PAPOLA: variants seen among roughly 807,000 people sequenced by gnomAD.
PAPOLA encodes the protein poly(A) polymerase alpha, also known as polynucleotide adenylyltransferase alpha.
PAPOLA carries 15 observed loss-of-function variants against 100.6 expected under a neutral mutation model. The observed-to-expected ratio is 0.15, with a 90% CI of 0.10 to 0.23. The LOEUF (loss-of-function observed/expected upper bound fraction) is 0.23. Among genes scored for constraint, PAPOLA ranks in the 10% least tolerant of loss-of-function variants. The pLI, the probability that PAPOLA is intolerant of heterozygous loss-of-function variation, is 1.00. For synonymous variants in PAPOLA, 293 were observed against 300.0 expected, an observed-to-expected ratio of 0.98 and a Z score of 0.24; for missense variants, 533 against 884.2, an observed-to-expected ratio of 0.60 and a Z score of 5.04.
intron 19 of PAPOLA, among the ~76,000 whole-genome samples, chr14:96,558,604 A>G (rs1901554931): frequency 6.6e-6 from 1 of 152,196 alleles, no homozygotes; most frequent in Admixed American, 6.5e-5. Context: ...AAATACATAT[A>G]AAAGAGTCAT....
chr14:96,526,006 C>A (rs945200180), intron 4 of PAPOLA: 4 of 152,056 alleles, frequency 2.6e-5, no homozygotes, highest in African/African-American at 9.7e-5. Context: ...GGATGCCCCC[C>A]GCTAATACCT....
chr14:96,560,758 A>G, intron 20 of PAPOLA, 47 bp downstream of exon 20: 1 of 1,132,332 alleles, frequency 8.8e-7, no homozygotes, highest in South Asian at 1.3e-5. Context: ...AAGAGTACAG[A>G]AGATGTAATA....
intron 7 of PAPOLA, 47 bp from the exon 8 acceptor site, chr14:96,532,284 T>TTGTGTGTG (rs10533972): frequency 1.4e-6 from 2 of 1,431,994 alleles, no homozygotes; most frequent in Admixed American, 2.5e-5. Context: ...TTGTTTTGTT[T>TTGTGTGTG]TGTGTGTGTG....
intron 16 of PAPOLA, among the ~76,000 whole-genome samples, chr14:96,550,392 ATT>A (rs1195639702): frequency 6.6e-6 from 1 of 152,184 alleles, no homozygotes; most frequent in Non-Finnish European, 1.5e-5. Flanking sequence ...TCTTGTGTAC[ATT>A]TTAAGTAAAT....
chr14:96,522,108 CTTTCTTTCTTTTT>C (rs1176083146), intron 3 of PAPOLA, among the ~76,000 whole-genome samples: 65 of 98,316 alleles, frequency 6.6e-4, no homozygotes, highest in African/African-American at 2.7e-3. Flanking sequence ...TAGCCTCTTT[CTTTCTTTCTTTTT>C]TTTTTTTTTT....
intron 1 of PAPOLA, among the ~76,000 whole-genome samples, chr14:96,517,556 A>G (rs997148772): frequency 3.3e-5 from 5 of 152,180 alleles, no homozygotes; most frequent in African/African-American, 1.2e-4. Flanking sequence ...GTGATATCTC[A>G]ATAAAACTGG....
chr14:96,560,593 G>T, intron 19 of PAPOLA, 56 bp from the exon 20 acceptor site: 2 of 1,152,556 alleles, frequency 1.7e-6, no homozygotes, highest in South Asian at 2.6e-5. Context: ...AGCATTGATT[G>T]GCAAATAATC....
At chr14:96,513,631 G>T (rs897398399) in intron 1 of PAPOLA, among the ~76,000 whole-genome samples, 2 of 151,988 alleles carry the variant, frequency 1.3e-5, no homozygotes, top group Non-Finnish European at 2.9e-5. Context: ...TTTACACCAT[G>T]GCCAACATTG....
intron 1 of PAPOLA, among the ~76,000 whole-genome samples, chr14:96,509,792 T>C (rs1896981802): frequency 6.6e-6 from 1 of 152,230 alleles, no homozygotes. Context: ...GGTATTATGC[T>C]GTTATGGGAC....
At chr14:96,533,546 C>CTTTTTTTTTTTTTTTT (rs1172413058) in intron 9 of PAPOLA, 5 of 574,906 alleles carry the variant, frequency 8.7e-6, no homozygotes, top group Non-Finnish European at 8.3e-6. Context: ...GTCAGAATTT[C>CTTTTTTTTTTTTTTTT]TTTTTTTTTT....
At chr14:96,526,326 C>T (rs1488389875) in intron 4 of PAPOLA, 1 of 152,156 alleles carries the variant, frequency 6.6e-6, no homozygotes, top group Non-Finnish European at 1.5e-5. Context: ...AGAGTAGGTA[C>T]AACTCAGGCA....
intron 7 of PAPOLA, 31 bp from the exon 8 acceptor site, chr14:96,532,300 G>GTGTT: frequency 6.3e-7 from 1 of 1,586,956 alleles, no homozygotes; most frequent in Non-Finnish European, 8.5e-7. Context: ...GTGTGTGTGT[G>GTGTT]TGTGTGTTTT....
chr14:96,519,351 A>G (rs1316009119), intron 1 of PAPOLA, among the ~76,000 whole-genome samples: 1 of 152,148 alleles, frequency 6.6e-6, no homozygotes, highest in Non-Finnish European at 1.5e-5. Flanking sequence ...TATTATGTTG[A>G]CTTCTTAATT....
intron 1 of PAPOLA, among the ~76,000 whole-genome samples, chr14:96,512,354 C>G (rs1309300620): frequency 1.3e-5 from 2 of 151,908 alleles, no homozygotes; most frequent in African/African-American, 4.8e-5. Context: ...GCCTGGGCAA[C>G]AGAGCAAGAC....
rs757113205 is a variant in PAPOLA, at chr14:96,534,575, A to AT, written c.909+18dup. 4 of 1,613,800 alleles carry AT rather than the reference A, an allele frequency of 2.5e-6. No individual in the cohort carries two copies. Among genetic ancestry groups the AT allele is most frequent in the South Asian group, 2.2e-5 (2 of 91,058 alleles). ...TATGGGACCCAAGGGTTAGTGTATT[A>AT]TTTTTTCCCCTACCAATTCACACTG... is the stretch of plus-strand genomic sequence containing the variant. On this transcript the variant is annotated intron_variant, in intron 10 of 21. Coordinates refer to ENST00000216277, the MANE Select transcript of PAPOLA (RefSeq NM_032632.5).
intron 19 of PAPOLA, 104 bp from the exon 20 acceptor site, chr14:96,560,545 G>A (rs1275262431): frequency 6.8e-6 from 5 of 736,024 alleles, no homozygotes; most frequent in Admixed American, 5.0e-5. Context: ...TGATCTTACA[G>A]GTTTAATTAT....
At chr14:96,504,752 AG>A (rs1896595597) in intron 1 of PAPOLA, 1 of 152,202 alleles carries the variant, frequency 6.6e-6, no homozygotes, top group South Asian at 2.1e-4. Flanking sequence ...AAGAATGCCT[AG>A]TTAAAGAAAA....
At chr14:96,525,580 G>A (rs973505199) in intron 4 of PAPOLA, among the ~76,000 whole-genome samples, 189 bp downstream of exon 4, 1 of 152,070 alleles carries the variant, frequency 6.6e-6, no homozygotes, top group Admixed American at 6.6e-5. Flanking sequence ...CTGTCCAAAA[G>A]TATTATTAAG....
Position 96,565,205 on chromosome 14 carries a change from G to A in PAPOLA, c.*155G>A, listed in dbSNP as rs1196536243. 3 of 567,470 alleles carry A rather than the reference G, an allele frequency of 5.3e-6. No homozygotes were observed. The highest frequency in any genetic ancestry group is 5.6e-5 in the East Asian group (2 of 35,724). The allele number at this position is 567,470 out of a possible 1,614,324, so 35.2% of individuals were successfully genotyped here. On this transcript the variant is annotated 3_prime_UTR_variant, in exon 22 of 22. Transcript: ENST00000216277. ...TTACTGGGCTAATCAGCACTTGATC[G>A]GAAGTCCAGGTTAGTATGTGAAGCC...
Sources: gnomAD v4.1 joint callset for allele counts (sites outside exome capture counted in the v4.1 genomes callset) on GRCh38, gnomAD v4.1.1 for gene constraint, MANE v1.5 for transcripts, NCBI Gene and HGNC (gene_info 2026-07-23, HGNC 2026-07-21) for gene names.